BSCL2: variants seen among roughly 807,000 people sequenced by gnomAD.
BSCL2 encodes BSCL2 lipid droplet biogenesis associated, seipin, also known as seipin.
In BSCL2, 41 loss-of-function variants were observed where a neutral mutation model predicts 57.4. The observed-to-expected ratio is 0.71, with a 90% CI of 0.56 to 0.93. The LOEUF (loss-of-function observed/expected upper bound fraction) is 0.93. Among genes scored for constraint, BSCL2 ranks in the 40% least tolerant of loss-of-function variants. The pLI is 0.00. For synonymous variants in BSCL2, 237 were observed against 227.3 expected, an observed-to-expected ratio of 1.04 and a Z score of -0.38; for missense variants, 539 against 586.7, an observed-to-expected ratio of 0.92 and a Z score of 0.84.
chr11:62,690,884 G>T lies in BSCL2; in HGVS notation c.1073-17C>A, dbSNP rs1382013197. The T allele has an allele frequency of 1.9e-6, 3 of 1,612,912 alleles. No homozygotes were observed. Among genetic ancestry groups the T allele is most frequent in the Non-Finnish European group, 2.5e-6 (3 of 1,179,602 alleles). On this transcript the variant is annotated splice_polypyrimidine_tract_variant and intron_variant, in intron 8 of 10. Transcript: ENST00000360796. ...CTTCAGGCCCTGCACCTCCAAAGAG[G>T]GAGAGGACAGGTTAGGGTTAGGGTG...
At chr11:62,706,272 T>C in intron 1 of BSCL2, 1 of 1,108,282 alleles carries the variant, frequency 9.0e-7, no homozygotes, top group Non-Finnish European at 1.1e-6. Flanking sequence ...CCTCGCGCGC[T>C]GCCAGGGCAA....
intron 1 of BSCL2, chr11:62,706,461 C>G (rs2083539755): frequency 2.5e-6 from 1 of 405,378 alleles, no homozygotes; most frequent in Non-Finnish European, 4.5e-6. Flanking sequence ...GCCACTGGCT[C>G]TCTCTGCGGC....
At chr11:62,702,613 T>G in intron 2 of BSCL2, 64 bp from the exon 3 acceptor site, 2 of 1,440,348 alleles carry the variant, frequency 1.4e-6, no homozygotes, top group Non-Finnish European at 1.9e-6. Context: ...ATACACCTTC[T>G]TTGCCCCCTA....
Position 62,690,887 on chromosome 11 carries a change from G to A in BSCL2, c.1073-20C>T. On this transcript the variant is annotated intron_variant, in intron 8 of 10. Transcript: ENST00000360796. ...CAGGCCCTGCACCTCCAAAGAGGGA[G>A]AGGACAGGTTAGGGTTAGGGTGGCT... 6.2e-7 allele frequency: 1 copy of A among 1,612,826 alleles called. No individual in the cohort carries two copies. Among genetic ancestry groups the A allele is most frequent in the Non-Finnish European group, 8.5e-7 (1 of 1,179,536 alleles).
In BSCL2 at chr11:62,692,651, C is replaced by T. The variant is rs1357818873; in HGVS notation, c.765+12G>A. 6.2e-7 allele frequency: 1 copy of T among 1,613,964 alleles called. No individual in the cohort carries two copies. The highest frequency in any genetic ancestry group is 1.1e-5 in the South Asian group (1 of 91,048). On this transcript the variant is annotated intron_variant, in intron 5 of 10. Transcript: ENST00000360796. ...CTATCTCCTAGTCATAAAGCTCGTTCACCTCACTCACCGAGTTCTCTCTAT... is the reference window on the plus strand; with the variant it reads ...CTATCTCCTAGTCATAAAGCTCGTTTACCTCACTCACCGAGTTCTCTCTAT...
intron 3 of BSCL2, among the ~76,000 whole-genome samples, chr11:62,698,731 T>C (rs1474976555): frequency 6.6e-6 from 1 of 152,190 alleles, no homozygotes; most frequent in Non-Finnish European, 1.5e-5. Context: ...TTTGCTCTCA[T>C]CTTCCTTTTA....
Position 62,705,387 on chromosome 11 carries a change from G to A in BSCL2, c.318C>T (p.Leu106=). The A allele has an allele frequency of 6.2e-7, 1 of 1,614,212 alleles. No individual in the cohort carries two copies. Among genetic ancestry groups the A allele is most frequent in the Non-Finnish European group, 8.5e-7 (1 of 1,180,024 alleles). ...GVLFCTILLL[L]WVSVFLYGSF... is the part of the protein sequence containing the mutation. ...AGCCATAGAGGAAGACAGACACCCA[G>A]AGCAAAAGGAGGATGGTGCAGAAGA... Residue 106 remains leucine (L), a synonymous_variant, in exon 2 of 11, where the codon CTC becomes CTT. Transcript: ENST00000360796.
At chr11:62,692,031 A>G (rs372561404) in intron 6 of BSCL2, among the ~76,000 whole-genome samples, 66 of 148,024 alleles carry the variant, frequency 4.5e-4, no homozygotes, top group Non-Finnish European at 8.5e-4. Flanking sequence ...CAGCCTAGGC[A>G]ACAGAGCAAG....
chr11:62,694,675 C>G lies in BSCL2; in HGVS notation c.523G>C (p.Glu175Gln). The G allele has an allele frequency of 6.2e-7, 1 of 1,614,132 alleles. No individual in the cohort carries two copies. Among genetic ancestry groups the G allele is most frequent in the Non-Finnish European group, 8.5e-7 (1 of 1,180,020 alleles). The change falls in exon 4 of 11, where the codon GAG becomes CAG. Residue 175 changes from glutamate to glutamine, a missense_variant. By Grantham distance (29) the Glu-to-Gln change is conservative. This residue lies in a region of BSCL2 where 218 missense variants were observed against 224.8 expected (regional missense o/e 0.97). Coordinates refer to ENST00000360796, the MANE Select transcript of BSCL2 (RefSeq NM_001122955.4). ...ACAGGGGACTCTGGCAGCTCAAGCT[C>G]TAAGGTAACACGATACGGCTGTCCA... ...MYGQPYRVTL[E>Q]LELPESPVNQ...
chr11:62,709,019 A>T, upstream of BSCL2: 1 of 555,636 alleles, frequency 1.8e-6, no homozygotes, highest in Non-Finnish European at 3.3e-6. Flanking sequence ...CCCCAGAGAT[A>T]TGAGGCACCC....
chr11:62,698,227 C>T (rs1243017430), intron 3 of BSCL2, among the ~76,000 whole-genome samples: 1 of 142,304 alleles, frequency 7.0e-6, no homozygotes, highest in Non-Finnish European at 1.5e-5. Context: ...GAGATGGAGT[C>T]TTACTCTGTC....
chr11:62,708,343 A>T (rs2083578165), upstream of BSCL2: 1 of 1,613,852 alleles, frequency 6.2e-7, no homozygotes, highest in Non-Finnish European at 8.5e-7. Context: ...TTGGGCAAGC[A>T]CGCAAGATGG....
upstream of BSCL2, chr11:62,708,810 C>T: frequency 6.2e-7 from 1 of 1,610,952 alleles, no homozygotes; most frequent in Non-Finnish European, 8.5e-7. Flanking sequence ...CCTCTGAGCT[C>T]CCCTGTCCCT....
intron 6 of BSCL2, 129 bp from the exon 7 acceptor site, chr11:62,691,550 TC>T: frequency 1.8e-6 from 2 of 1,105,008 alleles, no homozygotes; most frequent in Non-Finnish European, 2.7e-6. Context: ...CACCCCTGCC[TC>T]CCACCCACAC....
intron 1 of BSCL2, chr11:62,706,379 TC>T: frequency 1.0e-6 from 1 of 987,848 alleles, no homozygotes; most frequent in Admixed American, 4.1e-5. Context: ...CAGGGCGGGG[TC>T]CAGCACGGCG....
At position 62,705,539 on chromosome 11, in the gene BSCL2, C is replaced by T. The variant is rs1226106958; in HGVS notation, c.166G>A (p.Gly56Arg). Residue 56 changes from glycine to arginine, a missense_variant, in exon 2 of 11, where the codon GGG becomes AGG. By Grantham distance (125) the Gly-to-Arg change is moderately radical. Around this residue, in one of 3 missense-constraint regions of BSCL2, gnomAD observed 218 missense variants for 224.8 expected, o/e 0.97. Coordinates refer to ENST00000360796, the MANE Select transcript of BSCL2 (RefSeq NM_001122955.4). ...GCCGGGAGAGCAGGGTGTCTGGCCC[C>T]AGGTTCAGGCCTTGCGTTCCTAGCT... ...RAARNARPEP[G>R]ARHPALPAMV... 1.2e-5 allele frequency: 19 copies of T among 1,611,340 alleles called. No homozygotes were observed. Among genetic ancestry groups the T allele is most frequent in the Admixed American group, 1.7e-5 (1 of 59,862 alleles).
At chr11:62,707,578 G>GC (rs1415891586), upstream of BSCL2, 3 of 578,874 alleles carry the variant, frequency 5.2e-6, no homozygotes, top group Non-Finnish European at 9.3e-6. Context: ...GGAGGGGCAG[G>GC]CAGTGAACTA....
At chr11:62,694,945 G>A (rs1485713803) in intron 3 of BSCL2, among the ~76,000 whole-genome samples, 1 of 152,134 alleles carries the variant, frequency 6.6e-6, no homozygotes, top group Non-Finnish European at 1.5e-5. Context: ...GAATCAGACT[G>A]GCTACCCTGT....
chr11:62,697,884 G>A (rs1945519862), intron 3 of BSCL2, among the ~76,000 whole-genome samples: 1 of 150,332 alleles, frequency 6.7e-6, no homozygotes, highest in African/African-American at 2.4e-5. Flanking sequence ...CTTCACGAAT[G>A]CTTCTGGAAT....
Sources: gnomAD v4.1 joint callset for allele counts (sites outside exome capture counted in the v4.1 genomes callset) on GRCh38, gnomAD v4.1.1 for gene constraint, gnomAD v4.1.1 regional missense constraint, MANE v1.5 for transcripts, NCBI Gene and HGNC (gene_info 2026-07-23, HGNC 2026-07-21) for gene names.